Variants in SYN2 observed in about 807,000 individuals in gnomAD.
SYN2 encodes the protein synapsin II, also known as synapsin-2.
In SYN2, 19 loss-of-function variants were observed where a neutral mutation model predicts 50.9. The ratio of observed to expected loss-of-function variants is 0.37; its 90% CI spans 0.26 to 0.55. The LOEUF is 0.55. Ranked by LOEUF, SYN2 falls within the 20% of genes least tolerant of loss-of-function variation. The pLI, the probability that SYN2 is intolerant of heterozygous loss-of-function variation, is 0.81. For missense variants in SYN2, 587 were observed against 576.4 expected (o/e 1.02, Z -0.19); for synonymous variants, 255 against 224.9 (o/e 1.13, Z -1.20).
chr3:12,096,180 G>A (rs1008031763), intron 1 of SYN2, among the ~76,000 whole-genome samples: 11 of 152,196 alleles, frequency 7.2e-5, no homozygotes, highest in African/African-American at 2.4e-4. Flanking sequence ...CACCATCAGT[G>A]TGACCTACAG....
At chr3:12,094,731 A>G (rs1422703029) in intron 1 of SYN2, among the ~76,000 whole-genome samples, 1 of 152,206 alleles carries the variant, frequency 6.6e-6, no homozygotes, top group Non-Finnish European at 1.5e-5. Context: ...ATATTTGACA[A>G]TAGAATGGAC....
At chr3:12,123,602 C>T (rs759643430) in intron 1 of SYN2, among the ~76,000 whole-genome samples, 2 of 151,976 alleles carry the variant, frequency 1.3e-5, no homozygotes, top group Non-Finnish European at 2.9e-5. Context: ...GACCCTGTGT[C>T]TAAAGAAAAA....
chr3:12,117,630 A>C (rs1445142731), intron 1 of SYN2, among the ~76,000 whole-genome samples: 2 of 152,188 alleles, frequency 1.3e-5, no homozygotes, highest in Admixed American at 1.3e-4. Context: ...AACCAACAGC[A>C]TTCTGGATGG....
In SYN2 at chr3:12,158,887, C is replaced by G. The variant is rs769196983; in HGVS notation, c.775-2659C>G. The G allele has an allele frequency of 7.4e-6, 11 of 1,488,132 alleles. No individual in the cohort carries two copies. In the African/African-American group the frequency reaches 1.4e-4, roughly 19 times the overall value. The allele number at this position is 1,488,132 out of a possible 1,614,324, so 92.2% of individuals were successfully genotyped here. ...AGCCTGTGAGGTCTGGGGGACTGGA[C>G]GGCCCCAGCAGGGCTCCTTCCCAAG... On this transcript the variant is annotated intron_variant, in intron 5 of 12. Transcript: ENST00000621198.
At chr3:12,037,169 A>G (rs1694516499) in intron 1 of SYN2, among the ~76,000 whole-genome samples, 1 of 152,184 alleles carries the variant, frequency 6.6e-6, no homozygotes, top group Admixed American at 6.5e-5. Flanking sequence ...CACTTAAGTA[A>G]TCCCTAAAAA....
intron 3 of SYN2, among the ~76,000 whole-genome samples, chr3:12,143,819 G>C (rs1697084609): frequency 6.6e-6 from 1 of 152,010 alleles, no homozygotes; most frequent in African/African-American, 2.4e-5. Flanking sequence ...GGTATTGCTG[G>C]GTCATATGGT....
chr3:12,092,615 C>T (rs1335423887), intron 1 of SYN2, among the ~76,000 whole-genome samples: 2 of 152,208 alleles, frequency 1.3e-5, no homozygotes, highest in Non-Finnish European at 2.9e-5. Flanking sequence ...TATTTGGCAT[C>T]CCTGGACCAC....
chr3:12,123,007 G>A (rs1054603671), intron 1 of SYN2, among the ~76,000 whole-genome samples: 4 of 152,264 alleles, frequency 2.6e-5, no homozygotes, highest in Non-Finnish European at 4.4e-5. Flanking sequence ...CATTGCCAAA[G>A]AGAAAGCCAG....
At chr3:12,159,080 G>A (rs990483772) in intron 5 of SYN2, 3 of 520,172 alleles carry the variant, frequency 5.8e-6, no homozygotes, top group African/African-American at 4.0e-5. Flanking sequence ...AGGAGGCCCT[G>A]ACCTCTGTTT....
intron 1 of SYN2, among the ~76,000 whole-genome samples, chr3:12,122,186 A>T (rs1696575116): frequency 6.6e-6 from 1 of 152,234 alleles, no homozygotes; most frequent in Non-Finnish European, 1.5e-5. Flanking sequence ...TGACGAATAA[A>T]CATTTGCTGA....
At chr3:12,066,479 G>A (rs998149523) in intron 1 of SYN2, among the ~76,000 whole-genome samples, 3 of 152,148 alleles carry the variant, frequency 2.0e-5, no homozygotes, top group African/African-American at 7.2e-5. Flanking sequence ...TAAATTGTAA[G>A]GCATGAATTG....
chr3:12,108,857 T>C (rs1355387168), intron 1 of SYN2, among the ~76,000 whole-genome samples: 1 of 151,372 alleles, frequency 6.6e-6, no homozygotes, highest in African/African-American at 2.4e-5. Context: ...TTTTTTTTTT[T>C]CCAGTTTTTC....
At chr3:12,184,115 T>C in intron 11 of SYN2, 1 of 985,980 alleles carries the variant, frequency 1.0e-6, no homozygotes, top group Non-Finnish European at 1.2e-6. Context: ...TTTTTAGTGA[T>C]GACATGAAAT....
Position 12,184,800 on chromosome 3 carries a change from C to T in SYN2, c.1369+1428C>T, listed in dbSNP as rs374228792. 69 of 985,904 alleles carry T rather than the reference C, an allele frequency of 7.0e-5. No homozygotes were observed. The African/African-American group carries it at 8.7e-4, about 12-fold the overall frequency. 61.1% of individuals were successfully genotyped at this position (985,904 alleles called of 1,614,324 possible). A position where few individuals can be genotyped will look rare whatever the true frequency, so the allele number is the denominator to read the frequency against. On this transcript the variant is annotated intron_variant, in intron 11 of 12. Coordinates refer to ENST00000621198, the MANE Select transcript of SYN2 (RefSeq NM_133625.6). ...TTCAGTGCCTCATCTTGCCATCTCC[C>T]GGCCAGGCTGGGAACGGGCACCAAG... is the stretch of plus-strand genomic sequence containing the variant.
intron 1 of SYN2, among the ~76,000 whole-genome samples, chr3:12,101,798 TG>T (rs1696083374): frequency 6.6e-6 from 1 of 151,686 alleles, no homozygotes; most frequent in Non-Finnish European, 1.5e-5. Flanking sequence ...GAATTGGAGG[TG>T]TTATTGGGAC....
chr3:12,097,164 A>G (rs529138695), intron 1 of SYN2, among the ~76,000 whole-genome samples: 1 of 152,326 alleles, frequency 6.6e-6, no homozygotes, highest in Admixed American at 6.5e-5. Context: ...CCATCCCATT[A>G]CTGGGTATAT....
chr3:12,079,246 A>T (rs925840271), intron 1 of SYN2, among the ~76,000 whole-genome samples: 3 of 152,200 alleles, frequency 2.0e-5, no homozygotes, highest in African/African-American at 7.2e-5. Context: ...TGTCATCTGT[A>T]AACAAAGACA....
intron 1 of SYN2, among the ~76,000 whole-genome samples, chr3:12,127,402 A>C (rs937032125): frequency 3.3e-5 from 5 of 152,202 alleles, no homozygotes; most frequent in Non-Finnish European, 7.4e-5. Flanking sequence ...GATCTTGGTC[A>C]ACTTTCTGTC....
intron 5 of SYN2, chr3:12,159,122 A>G (rs1207396960): frequency 4.7e-6 from 2 of 423,510 alleles, no homozygotes; most frequent in South Asian, 5.8e-5. Context: ...ATCTGGAAGC[A>G]GAGGGGAAGC....
Sources: gnomAD v4.1 joint callset for allele counts (sites outside exome capture counted in the v4.1 genomes callset) on GRCh38, gnomAD v4.1.1 for gene constraint, MANE v1.5 for transcripts, NCBI Gene and HGNC (gene_info 2026-07-23, HGNC 2026-07-21) for gene names.